CADPS: variants seen among roughly 807,000 people sequenced by gnomAD.
CADPS encodes the protein calcium-dependent secretion activator 1.
CADPS carries 57 observed loss-of-function variants against 167.3 expected under a neutral mutation model. That is an observed-to-expected ratio of 0.34 (90% CI 0.28 to 0.42). The LOEUF is 0.42. Among genes scored for constraint, CADPS ranks in the 20% least tolerant of loss-of-function variants. CADPS has a pLI of 1.00. For synonymous variants in CADPS, 676 were observed against 635.3 expected (o/e 1.06, Z -0.96); for missense variants, 1,414 against 1,738.1 (o/e 0.81, Z 3.32).
intron 3 of CADPS, among the ~76,000 whole-genome samples, chr3:62,662,940 A>C (rs1021421437): frequency 1.3e-4 from 20 of 152,146 alleles, no homozygotes; most frequent in African/African-American, 4.6e-4. Flanking sequence ...ATCTAAGTTG[A>C]AATCTATCCC....
In CADPS at chr3:62,585,219, G is replaced by A. The variant is rs2084330482; in HGVS notation, c.1543C>T (p.Arg515Ter). 1.2e-6 allele frequency: 2 copies of A among 1,613,896 alleles called. No homozygotes were observed. Among genetic ancestry groups the A allele is most frequent in the Non-Finnish European group, 1.7e-6 (2 of 1,179,892 alleles). Reference protein sequence around the residue: ...DQDLKIKLAVRMDKPQNMKHS... With the variant: ...DQDLKIKLAV The stretch of plus-strand genomic sequence containing the variant: ...TTCATGTTTTGAGGCTTATCCATTC[G>A]GACAGCAAGTTTGATTTTGAGATCT... Residue 515 changes from arginine (R) to a stop codon, truncating the protein, a stop_gained, in exon 8 of 30, where the codon CGA becomes TGA. Coordinates refer to ENST00000383710, the MANE Select transcript of CADPS (RefSeq NM_003716.4). LOFTEE classifies it high-confidence loss of function.
intron 7 of CADPS, among the ~76,000 whole-genome samples, chr3:62,588,593 A>C (rs1232046316): frequency 1.3e-5 from 2 of 152,144 alleles, no homozygotes; most frequent in Admixed American, 1.3e-4. Context: ...AATTTCAGTC[A>C]GCAAAATATT....
At chr3:62,723,144 G>C (rs1408804611) in intron 3 of CADPS, among the ~76,000 whole-genome samples, 1 of 152,188 alleles carries the variant, frequency 6.6e-6, no homozygotes, top group Non-Finnish European at 1.5e-5. Context: ...ACAATTATGG[G>C]AATAACTTCT....
rs1419822742 is a variant in CADPS at position 62,777,646 on chromosome 3, T to C, written c.442-11662A>G. On this transcript the variant is annotated intron_variant, in intron 1 of 29. Transcript: ENST00000383710. ...GGGGAAACTGTTGGAGGTAGGGGGA[T>C]ACGGAGTATACGGGAACTCTTCTGT... 3.3e-5 allele frequency among the ~76,000 whole-genome samples: 5 copies of C among 152,180 alleles called. No individual in the cohort carries two copies. In the East Asian group the frequency reaches 9.6e-4, roughly 29 times the overall value.
Position 62,566,294 on chromosome 3 carries a change from C to T in CADPS, c.1644+4578G>A, listed in dbSNP as rs191164217. Among the ~76,000 whole-genome samples, 36 of 152,304 alleles carry T rather than the reference C, an allele frequency of 2.4e-4. No individual in the cohort carries two copies. In the East Asian group the frequency reaches 5.2e-3, roughly 22 times the overall value. The stretch of plus-strand genomic sequence containing the variant: ...GGTGGTTCTCCGGGTTTCATGTTTG[C>T]ATTTTGAGTTTCAAAGTAAGGGTTT... On this transcript the variant is annotated intron_variant, in intron 9 of 29. Coordinates refer to ENST00000383710, the MANE Select transcript of CADPS (RefSeq NM_003716.4).
At chr3:62,413,316 C>T (rs1270498924) in intron 28 of CADPS, among the ~76,000 whole-genome samples, 3 of 152,084 alleles carry the variant, frequency 2.0e-5, no homozygotes, top group Non-Finnish European at 4.4e-5. Flanking sequence ...AAGAGATACG[C>T]CCACATTGAT....
intron 1 of CADPS, among the ~76,000 whole-genome samples, chr3:62,811,966 A>G (rs1268906716): frequency 1.3e-5 from 2 of 152,170 alleles, no homozygotes; most frequent in Non-Finnish European, 2.9e-5. Flanking sequence ...TCTTTTATCT[A>G]TGTATATTTC....
chr3:62,501,121 G>GGCT (rs1463990024), intron 17 of CADPS, among the ~76,000 whole-genome samples: 1 of 152,160 alleles, frequency 6.6e-6, no homozygotes, highest in Non-Finnish European at 1.5e-5. Context: ...CTGAAGGTGG[G>GGCT]GCTGTGGGAA....
Position 62,424,604 on chromosome 3 carries a change from A to G in CADPS, c.3777+13500T>C, listed in dbSNP as rs144710955. Among the ~76,000 whole-genome samples, 529 of 152,356 alleles carry G rather than the reference A, an allele frequency of 3.5e-3. 2 individuals carry two copies. Among genetic ancestry groups the G allele is most frequent in the Admixed American group, 6.3e-3 (96 of 15,308 alleles). ...TTAGACTTGGCTTCAGATGCTCAATAAGGTGGAAAACAGAACTAAAACATT... is the reference window on the plus strand; with the variant it reads ...TTAGACTTGGCTTCAGATGCTCAATGAGGTGGAAAACAGAACTAAAACATT... On this transcript the variant is annotated intron_variant, in intron 28 of 29. Transcript: ENST00000383710.
chr3:62,660,234 T>C (rs1458259760), intron 4 of CADPS, among the ~76,000 whole-genome samples: 4 of 152,248 alleles, frequency 2.6e-5, no homozygotes, highest in Admixed American at 2.6e-4. Flanking sequence ...TTGAGGTGTG[T>C]GTGATTTTTA....
intron 1 of CADPS, among the ~76,000 whole-genome samples, chr3:62,829,862 C>G (rs2074747930): frequency 6.6e-6 from 1 of 152,134 alleles, no homozygotes; most frequent in Non-Finnish European, 1.5e-5. Context: ...CAAGAGAAGT[C>G]AGAGGATATG....
intron 6 of CADPS, among the ~76,000 whole-genome samples, chr3:62,638,585 T>C (rs1276639893): frequency 6.6e-6 from 1 of 152,140 alleles, no homozygotes; most frequent in Non-Finnish European, 1.5e-5. Context: ...GAGTACAGCC[T>C]TGTTTCATAG....
intron 6 of CADPS, among the ~76,000 whole-genome samples, chr3:62,597,237 T>C (rs911740739): frequency 9.2e-5 from 14 of 152,126 alleles, no homozygotes; most frequent in Non-Finnish European, 1.6e-4. Context: ...TCCTAGCTAC[T>C]TGGGAGGCCA....
At chr3:62,460,350 T>G (rs949657003) in intron 26 of CADPS, among the ~76,000 whole-genome samples, 6 of 152,154 alleles carry the variant, frequency 3.9e-5, no homozygotes, top group African/African-American at 1.2e-4. Context: ...GACTTAAAAA[T>G]TACATGTATT....
chr3:62,659,553 T>C (rs186271375), intron 4 of CADPS, among the ~76,000 whole-genome samples: 26 of 152,320 alleles, frequency 1.7e-4, no homozygotes, highest in African/African-American at 5.8e-4. Flanking sequence ...TCTGTTTCTA[T>C]GTGTTGGCTT....
At chr3:62,706,520 T>G (rs1311337394) in intron 3 of CADPS, among the ~76,000 whole-genome samples, 2 of 152,102 alleles carry the variant, frequency 1.3e-5, no homozygotes, top group African/African-American at 4.8e-5. Context: ...ACAGCAGAAA[T>G]GTATTGTCTC....
chr3:62,544,829 G>C lies in CADPS; in HGVS notation c.1966+5074C>G. On this transcript the variant is annotated intron_variant, in intron 11 of 29. Coordinates refer to ENST00000383710, the MANE Select transcript of CADPS (RefSeq NM_003716.4). The surrounding 1 kb of genome is among the most constrained non-coding windows in gnomAD (Gnocchi z 4.4). ...TAATCTGATTATCTGAGCTGTGCTA[G>C]CTATAGGGGAGCACTTACCCTTCAG... 2.4e-6 allele frequency: 3 copies of C among 1,224,904 alleles called. No individual in the cohort carries two copies. Among genetic ancestry groups the C allele is most frequent in the Non-Finnish European group, 3.1e-6 (3 of 957,888 alleles). 75.9% of individuals were successfully genotyped at this position (1,224,904 alleles called of 1,614,324 possible).
intron 3 of CADPS, among the ~76,000 whole-genome samples, chr3:62,679,788 G>A (rs530407229): frequency 3.1e-4 from 47 of 152,120 alleles, no homozygotes; most frequent in Admixed American, 9.8e-4. Flanking sequence ...CATTGTAAAT[G>A]AGACTGGGTT....
chr3:62,813,101 TA>T (rs951730331), intron 1 of CADPS, among the ~76,000 whole-genome samples: 26 of 151,306 alleles, frequency 1.7e-4, no homozygotes, highest in African/African-American at 5.3e-4. Flanking sequence ...TTTACAGAAT[TA>T]AAAAAAAACT....
Sources: gnomAD v4.1 joint callset for allele counts (sites outside exome capture counted in the v4.1 genomes callset) on GRCh38, gnomAD v4.1.1 for gene constraint, Gnocchi (gnomAD v3.1) non-coding constraint, MANE v1.5 for transcripts, NCBI Gene and HGNC (gene_info 2026-07-23, HGNC 2026-07-21) for gene names.